Variants in DERA observed in about 807,000 individuals in gnomAD.
DERA encodes the protein 2-deoxy-D-ribose 5-phosphate aldolase.
In DERA, 15 loss-of-function variants were observed where a neutral mutation model predicts 41.1. The ratio of observed to expected loss-of-function variants is 0.37; its 90% CI spans 0.24 to 0.56. DERA has a LOEUF of 0.56. Ranked by LOEUF, DERA falls within the 20% of genes least tolerant of loss-of-function variation. The pLI is 0.81. For missense variants in DERA, 396 were observed against 403.4 expected (o/e 0.98, Z 0.16); for synonymous variants, 139 against 137.4 (o/e 1.01, Z -0.08).
intron 6 of DERA, among the ~76,000 whole-genome samples, chr12:16,027,956 A>G (rs978637325): frequency 6.6e-6 from 1 of 152,216 alleles, no homozygotes; most frequent in African/African-American, 2.4e-5. Flanking sequence ...GAAATTTAGA[A>G]AACTATTTGC....
rs1397941897 is a variant in DERA at position 15,915,863 on chromosome 12, G to A, written c.31+4449G>A. ...TACAGGGAGTTTTAAGTAACCTGCC[G>A]AAAACCAGTTAGGTATAGCTAATGT... On this transcript the variant is annotated intron_variant, in intron 1 of 8. Coordinates refer to ENST00000428559, the MANE Select transcript of DERA (RefSeq NM_015954.4). This position sits in a 1 kb window ranked among gnomAD's most constrained non-coding sequence, Gnocchi z 4.8. Among the ~76,000 whole-genome samples the A allele has an allele frequency of 2.0e-5, 3 of 152,168 alleles. No homozygotes were observed. Among genetic ancestry groups the A allele is most frequent in the Non-Finnish European group, 2.9e-5 (2 of 68,032 alleles).
At position 15,965,022 on chromosome 12, in the gene DERA, C is replaced by G. The variant is rs1415935561; in HGVS notation, c.508+2075C>G. Among the ~76,000 whole-genome samples, 1 of 152,138 alleles carries G rather than the reference C, an allele frequency of 6.6e-6. No homozygotes were observed. The highest frequency in any genetic ancestry group is 2.4e-5 in the African/African-American group (1 of 41,428). The stretch of plus-strand genomic sequence containing the variant: ...ACAAATTGAAAAGGAACATTTAATA[C>G]TAGAAATTTAATTCTAAATAGAAAC... On this transcript the variant is annotated intron_variant, in intron 5 of 8. Transcript: ENST00000428559. This position sits in a 1 kb window ranked among gnomAD's most constrained non-coding sequence, Gnocchi z 4.1.
chr12:16,031,023 A>C (rs1949089002), intron 6 of DERA, among the ~76,000 whole-genome samples: 1 of 152,202 alleles, frequency 6.6e-6, no homozygotes, highest in Non-Finnish European at 1.5e-5. Context: ...TCTTTGTATA[A>C]TAATTGACAG....
In DERA at chr12:16,014,841, G is replaced by A. The variant is rs149955679; in HGVS notation, c.638-17701G>A. On this transcript the variant is annotated intron_variant, in intron 6 of 8. Transcript: ENST00000428559. This position sits in a 1 kb window ranked among gnomAD's most constrained non-coding sequence, Gnocchi z 5.4. ...CTGTACCCTGCAAAGCCACAGGGGTGGAGCTGCCCAAGACCATTGGAACCC... is the reference window on the plus strand; with the variant it reads ...CTGTACCCTGCAAAGCCACAGGGGTAGAGCTGCCCAAGACCATTGGAACCC... 6.4e-3 allele frequency among the ~76,000 whole-genome samples: 968 copies of A among 152,324 alleles called. 12 individuals carry two copies. The highest frequency in any genetic ancestry group is 0.022 in the African/African-American group (926 of 41,574).
intron 5 of DERA, among the ~76,000 whole-genome samples, chr12:15,969,301 A>G (rs1317263537): frequency 1.3e-5 from 2 of 152,124 alleles, no homozygotes; most frequent in South Asian, 2.1e-4. Context: ...TGTTGCATCT[A>G]TTTACCTAAT....
chr12:16,003,775 C>T lies in DERA; in HGVS notation c.637+21339C>T, dbSNP rs1265488833. Among the ~76,000 whole-genome samples the T allele has an allele frequency of 6.6e-6, 1 of 152,184 alleles. No homozygotes were observed. Among genetic ancestry groups the T allele is most frequent in the Non-Finnish European group, 1.5e-5 (1 of 68,032 alleles). Reference sequence around the variant, plus strand: ...GAAGCTCCCAGCTTCCATAACTCCTCACTGCCCCTTCCCCGCAAAACCCTC... The same window carrying T: ...GAAGCTCCCAGCTTCCATAACTCCTTACTGCCCCTTCCCCGCAAAACCCTC... On this transcript the variant is annotated intron_variant, in intron 6 of 8. Coordinates refer to ENST00000428559, the MANE Select transcript of DERA (RefSeq NM_015954.4). The surrounding 1 kb of genome is among the most constrained non-coding windows in gnomAD (Gnocchi z 4.8).
rs1388837910 is a variant in DERA, at chr12:15,954,468, G to C, written c.32-2468G>C. Reference sequence around the variant, plus strand: ...GGTTCAGGGAAGGCTCCCAGAGAAGGTGACATTTGAATCGACTCTTAAAGG... The same window carrying C: ...GGTTCAGGGAAGGCTCCCAGAGAAGCTGACATTTGAATCGACTCTTAAAGG... On this transcript the variant is annotated intron_variant, in intron 1 of 8. Coordinates refer to ENST00000428559, the MANE Select transcript of DERA (RefSeq NM_015954.4). This position sits in a 1 kb window ranked among gnomAD's most constrained non-coding sequence, Gnocchi z 4.0. 6.6e-6 allele frequency among the ~76,000 whole-genome samples: 1 copy of C among 152,172 alleles called. No homozygotes were observed. Among genetic ancestry groups the C allele is most frequent in the South Asian group, 2.1e-4 (1 of 4,836 alleles).
At chr12:16,024,865 C>T (rs1949042921) in intron 6 of DERA, among the ~76,000 whole-genome samples, 1 of 151,998 alleles carries the variant, frequency 6.6e-6, no homozygotes, top group Non-Finnish European at 1.5e-5. Context: ...AATAATATAA[C>T]AATTTATTGA....
chr12:15,926,616 G>T (rs951557136), intron 1 of DERA, among the ~76,000 whole-genome samples: 4 of 151,860 alleles, frequency 2.6e-5, no homozygotes, highest in African/African-American at 9.7e-5. Flanking sequence ...GGCGCCTGTA[G>T]TCCCAGCTAC....
chr12:15,982,260 G>C lies in DERA; in HGVS notation c.509-48G>C. 1 of 1,576,724 alleles carries C rather than the reference G, an allele frequency of 6.3e-7. No homozygotes were observed. Among genetic ancestry groups the C allele is most frequent in the Non-Finnish European group, 8.6e-7 (1 of 1,162,826 alleles). Reference sequence around the variant, plus strand: ...CAGCTCTAAACGGCTGCCAAGTTATGTTATCACTTGCCTGCTTTGTAACTG... The same window carrying C: ...CAGCTCTAAACGGCTGCCAAGTTATCTTATCACTTGCCTGCTTTGTAACTG... On this transcript the variant is annotated intron_variant, in intron 5 of 8. Coordinates refer to ENST00000428559, the MANE Select transcript of DERA (RefSeq NM_015954.4). This position sits in a 1 kb window ranked among gnomAD's most constrained non-coding sequence, Gnocchi z 4.0.
rs1591993903 is a variant in DERA, at chr12:15,911,549, G to A, written c.31+135G>A. 3 of 910,354 alleles carry A rather than the reference G, an allele frequency of 3.3e-6. No individual in the cohort carries two copies. Among genetic ancestry groups the A allele is most frequent in the Non-Finnish European group, 3.3e-6 (2 of 613,126 alleles). 56.4% of individuals were successfully genotyped at this position (910,354 alleles called of 1,614,324 possible). ...TTTCGCTGGGGCGGGAAGCAGTGGCGTCTGGTCAGCCCTCACCCCAAGTAA... is the reference window on the plus strand; with the variant it reads ...TTTCGCTGGGGCGGGAAGCAGTGGCATCTGGTCAGCCCTCACCCCAAGTAA... On this transcript the variant is annotated intron_variant, in intron 1 of 8. Transcript: ENST00000428559. This position sits in a 1 kb window ranked among gnomAD's most constrained non-coding sequence, Gnocchi z 4.5.
In DERA at chr12:15,959,986, G is replaced by A. The variant is rs1948571810; in HGVS notation, c.373+62G>A. The A allele has an allele frequency of 8.2e-6, 10 of 1,218,118 alleles. No individual in the cohort carries two copies. The highest frequency in any genetic ancestry group is 4.1e-5 in the South Asian group (3 of 73,050). 75.5% of individuals were successfully genotyped at this position (1,218,118 alleles called of 1,614,324 possible). A position where few individuals can be genotyped will look rare whatever the true frequency, so the allele number is the denominator to read the frequency against. On this transcript the variant is annotated intron_variant, in intron 4 of 8. Transcript: ENST00000428559. The surrounding 1 kb of genome is among the most constrained non-coding windows in gnomAD (Gnocchi z 4.5). ...ACATGTTTCCAGTTCTTCATACAAT[G>A]GGGTATTATATGTAGGTTTGTACTA...
intron 5 of DERA, among the ~76,000 whole-genome samples, chr12:15,975,533 T>C (rs1221008344): frequency 6.6e-6 from 1 of 152,232 alleles, no homozygotes; most frequent in Non-Finnish European, 1.5e-5. Flanking sequence ...ACAAAGGCAG[T>C]CTAGTCCCCA....
Position 15,980,821 on chromosome 12 carries a change from C to A in DERA, c.509-1487C>A, listed in dbSNP as rs191664827. Among the ~76,000 whole-genome samples the A allele has an allele frequency of 4.3e-4, 66 of 152,234 alleles. No homozygotes were observed. In the East Asian group the frequency reaches 0.012, roughly 27 times the overall value. Reference sequence around the variant, plus strand: ...TGGAATAGAATATTTGCTTTCATTTCTCTTCATTTTTCACTTCTGAGCTTC... The same window carrying A: ...TGGAATAGAATATTTGCTTTCATTTATCTTCATTTTTCACTTCTGAGCTTC... On this transcript the variant is annotated intron_variant, in intron 5 of 8. Transcript: ENST00000428559.
At chr12:15,930,630 A>G (rs1253327840) in intron 1 of DERA, among the ~76,000 whole-genome samples, 1 of 152,174 alleles carries the variant, frequency 6.6e-6, no homozygotes, top group Non-Finnish European at 1.5e-5. Context: ...CAGAATTTAA[A>G]TATATAAGTT....
At chr12:15,933,287 C>T (rs916361727) in intron 1 of DERA, among the ~76,000 whole-genome samples, 1 of 152,284 alleles carries the variant, frequency 6.6e-6, no homozygotes, top group East Asian at 1.9e-4. Flanking sequence ...CATTTCCAGC[C>T]ACAGTGAACA....
chr12:15,936,353 A>G lies in DERA; in HGVS notation c.32-20583A>G, dbSNP rs920690497. Among the ~76,000 whole-genome samples the G allele has an allele frequency of 6.6e-6, 1 of 152,202 alleles. No homozygotes were observed. The highest frequency in any genetic ancestry group is 2.4e-5 in the African/African-American group (1 of 41,460). On this transcript the variant is annotated intron_variant, in intron 1 of 8. Transcript: ENST00000428559. This position sits in a 1 kb window ranked among gnomAD's most constrained non-coding sequence, Gnocchi z 4.6. ...TAGGACTAGTATAAAGAACACTCAT[A>G]TATCTGTCATGACCTAACACATTAA...
Position 15,911,604 on chromosome 12 carries a change from G to GTCTT in DERA, c.31+192_31+195dup. The GTCTT allele has an allele frequency of 1.4e-6, 1 of 703,652 alleles. No homozygotes were observed. The highest frequency in any genetic ancestry group is 2.6e-6 in the Non-Finnish European group (1 of 389,844). The allele number at this position is 703,652 out of a possible 1,614,324, so 43.6% of individuals were successfully genotyped here. ...CGAACCCGGCACGTTCGCGCCGCTT[G>GTCTT]TCTTTGCACCTAAGCTTTTACTCTT... On this transcript the variant is annotated intron_variant, in intron 1 of 8. Transcript: ENST00000428559. This position sits in a 1 kb window ranked among gnomAD's most constrained non-coding sequence, Gnocchi z 4.5.
Position 16,017,256 on chromosome 12 carries a change from C to T in DERA, c.638-15286C>T, listed in dbSNP as rs1592052264. On this transcript the variant is annotated intron_variant, in intron 6 of 8. Transcript: ENST00000428559. This position sits in a 1 kb window ranked among gnomAD's most constrained non-coding sequence, Gnocchi z 5.5. ...TAAAATTGTGATTTCTTTCTGACTG[C>T]CATTATGCTTAAACAAGCATCATTG... 1.3e-5 allele frequency among the ~76,000 whole-genome samples: 2 copies of T among 152,174 alleles called. No individual in the cohort carries two copies. The highest frequency in any genetic ancestry group is 3.9e-4 in the East Asian group (2 of 5,192).
Sources: gnomAD v4.1 joint callset for allele counts (sites outside exome capture counted in the v4.1 genomes callset) on GRCh38, gnomAD v4.1.1 for gene constraint, Gnocchi (gnomAD v3.1) non-coding constraint, MANE v1.5 for transcripts, NCBI Gene and HGNC (gene_info 2026-07-23, HGNC 2026-07-21) for gene names.